The following MAML2 variants were observed in gnomAD, a reference collection of about 807,000 sequenced individuals.
MAML2 encodes the protein mastermind like transcriptional coactivator 2, also known as mastermind-like protein 2.
Under a neutral mutation model 96.1 loss-of-function variants are expected in MAML2, and 22 were observed. The ratio of observed to expected loss-of-function variants is 0.23; its 90% CI spans 0.16 to 0.33. The LOEUF (loss-of-function observed/expected upper bound fraction) is 0.33, where lower values mean the gene tolerates loss of function less well. Among genes scored for constraint, MAML2 ranks in the 10% least tolerant of loss-of-function variants. MAML2 has a pLI of 1.00. For missense variants in MAML2, 1,367 were observed against 1,392.4 expected (o/e 0.98, Z 0.29); for synonymous variants, 561 against 521.3 (o/e 1.08, Z -1.04).
At chr11:96,151,778 G>C (rs918884654) in intron 1 of MAML2, among the ~76,000 whole-genome samples, 1 of 152,148 alleles carries the variant, frequency 6.6e-6, no homozygotes, top group African/African-American at 2.4e-5. Flanking sequence ...TTCCTGTAAA[G>C]CCTGCAGAAC....
chr11:96,299,056 A>ATATATATATATATATATATATAT (rs1191083053), intron 1 of MAML2, among the ~76,000 whole-genome samples: 19 of 49,670 alleles, frequency 3.8e-4, no homozygotes, highest in African/African-American at 4.3e-4. Flanking sequence ...AAAAAAAAAA[A>ATATATATATATATATATATATAT]AAAAATATAT....
At chr11:96,145,170 G>C (rs1315728369) in intron 1 of MAML2, among the ~76,000 whole-genome samples, 2 of 152,192 alleles carry the variant, frequency 1.3e-5, no homozygotes, top group Admixed American at 1.3e-4. Flanking sequence ...GCTCAGAGAG[G>C]TGGCATGCTT....
At chr11:96,050,650 A>C (rs11021405) in intron 2 of MAML2, among the ~76,000 whole-genome samples, 14,379 of 152,262 alleles carry the variant, frequency 0.094, 996 homozygotes, top group East Asian at 0.28. Flanking sequence ...GGTAGAGTGC[A>C]TCTGGACTGG....
intron 1 of MAML2, among the ~76,000 whole-genome samples, chr11:96,165,347 A>G (rs1861174878): frequency 6.6e-6 from 1 of 152,196 alleles, no homozygotes; most frequent in Non-Finnish European, 1.5e-5. Context: ...TTGCATTTCT[A>G]ACAAGTTTTC....
At chr11:96,199,545 AGT>A (rs1216996534) in intron 1 of MAML2, among the ~76,000 whole-genome samples, 1 of 150,862 alleles carries the variant, frequency 6.6e-6, no homozygotes, top group African/African-American at 2.4e-5. Flanking sequence ...TTTTTGAGCA[AGT>A]GATGACACAG....
intron 1 of MAML2, among the ~76,000 whole-genome samples, chr11:96,198,351 T>C (rs941278587): frequency 6.6e-6 from 1 of 152,234 alleles, no homozygotes; most frequent in Non-Finnish European, 1.5e-5. Flanking sequence ...TTCTACCAGC[T>C]AGGAACACAC....
At chr11:96,031,281 A>G (rs1858609448) in intron 2 of MAML2, among the ~76,000 whole-genome samples, 1 of 152,170 alleles carries the variant, frequency 6.6e-6, no homozygotes, top group African/African-American at 2.4e-5. Flanking sequence ...GTACTTTTAC[A>G]CATTTATTTC....
chr11:96,096,397 C>T (rs1859829178), intron 1 of MAML2, among the ~76,000 whole-genome samples: 1 of 152,210 alleles, frequency 6.6e-6, no homozygotes. Context: ...TCTTATTTAA[C>T]TCTCACAACT....
At chr11:96,047,450 G>A (rs1230343222) in intron 2 of MAML2, among the ~76,000 whole-genome samples, 1 of 152,048 alleles carries the variant, frequency 6.6e-6, no homozygotes, top group Non-Finnish European at 1.5e-5. Context: ...TTACTTTACA[G>A]GTATGCTTTG....
intron 1 of MAML2, among the ~76,000 whole-genome samples, chr11:96,281,746 T>C (rs192743485): frequency 6.6e-6 from 1 of 152,184 alleles, no homozygotes; most frequent in African/African-American, 2.4e-5. Context: ...AGCATGCACC[T>C]GTAATCCCAG....
intron 1 of MAML2, among the ~76,000 whole-genome samples, chr11:96,322,966 G>A (rs1360376065): frequency 6.6e-6 from 1 of 152,132 alleles, no homozygotes; most frequent in African/African-American, 2.4e-5. Flanking sequence ...GGAACCCCTG[G>A]AGAATCTGAC....
At chr11:96,117,912 T>A (rs893408924) in intron 1 of MAML2, among the ~76,000 whole-genome samples, 3 of 152,162 alleles carry the variant, frequency 2.0e-5, no homozygotes, top group Non-Finnish European at 4.4e-5. Context: ...GTTCTCTTCT[T>A]TATATATATA....
intron 1 of MAML2, among the ~76,000 whole-genome samples, chr11:96,251,117 C>T (rs946617021): frequency 6.6e-6 from 1 of 152,180 alleles, no homozygotes; most frequent in African/African-American, 2.4e-5. Context: ...TGTTTCCACC[C>T]CGCCATCCCT....
At chr11:96,117,655 A>G (rs893296038) in intron 1 of MAML2, among the ~76,000 whole-genome samples, 1 of 152,178 alleles carries the variant, frequency 6.6e-6, no homozygotes, top group Non-Finnish European at 1.5e-5. Flanking sequence ...GCAAATAAGC[A>G]TCATTAACAA....
chr11:96,098,597 T>C (rs1859872751), intron 1 of MAML2, among the ~76,000 whole-genome samples: 1 of 152,244 alleles, frequency 6.6e-6, no homozygotes, highest in Non-Finnish European at 1.5e-5. Context: ...ATCACTGTAC[T>C]TTCTTTTGCT....
In MAML2 at chr11:95,979,345, T is replaced by C. The variant is rs1367294346; in HGVS notation, c.3074A>G (p.Gln1025Arg). ...GCTCATTTGGTTCATGGGTCTCATT[T>C]GCACTGCTGGTGTTAACTGGTTAGG... is the stretch of plus-strand genomic sequence containing the variant. ...APPNQLTPAV[Q>R]MRPMNQMSQT... The change falls in exon 5 of 5, where the codon CAA becomes CGA. Residue 1025 changes from glutamine to arginine, a missense_variant. Physicochemically the swap from Gln to Arg is conservative, Grantham distance 43. Coordinates refer to ENST00000524717, the MANE Select transcript of MAML2 (RefSeq NM_032427.4). 1.2e-6 allele frequency: 2 copies of C among 1,613,914 alleles called. No homozygotes were observed. Among genetic ancestry groups the C allele is most frequent in the South Asian group, 2.2e-5 (2 of 91,050 alleles).
At chr11:96,053,849 T>C (rs1243623635) in intron 2 of MAML2, among the ~76,000 whole-genome samples, 1 of 152,176 alleles carries the variant, frequency 6.6e-6, no homozygotes, top group Non-Finnish European at 1.5e-5. Context: ...GGAACATCTT[T>C]CCTTTCTCTC....
At chr11:96,016,346 T>C (rs150441164) in intron 2 of MAML2, among the ~76,000 whole-genome samples, 34 of 152,146 alleles carry the variant, frequency 2.2e-4, no homozygotes, top group Middle Eastern at 3.4e-3. Context: ...GACTAGAAGA[T>C]GAAAGCTGGA....
At chr11:96,107,311 G>A (rs910960254) in intron 1 of MAML2, among the ~76,000 whole-genome samples, 14 of 152,102 alleles carry the variant, frequency 9.2e-5, no homozygotes, top group Non-Finnish European at 1.2e-4. Context: ...AGCTTTGGGG[G>A]TAGTTTATGT....
Sources: allele counts gnomAD v4.1 joint callset (sites outside exome capture counted in the v4.1 genomes callset), GRCh38; gene constraint gnomAD v4.1.1; transcripts MANE v1.5; gene names NCBI Gene and HGNC (gene_info 2026-07-23, HGNC 2026-07-21).